ANKDD1B: variants seen among roughly 807,000 people sequenced by gnomAD.
ANKDD1B encodes the protein ankyrin repeat and death domain containing 1B, also known as ankyrin repeat and death domain-containing protein 1B.
ANKDD1B carries 57 observed loss-of-function variants against 59.7 expected under a neutral mutation model. The ratio of observed to expected loss-of-function variants is 0.95; its 90% confidence interval spans 0.77 to 1.19. ANKDD1B has a LOEUF of 1.19. Among genes scored for constraint, ANKDD1B ranks in the 50% most tolerant of loss-of-function variants. The pLI is 0.00. For synonymous variants in ANKDD1B, 216 were observed against 239.5 expected (o/e 0.90, Z 0.91); for missense variants, 602 against 641.9 (o/e 0.94, Z 0.67).
intron 6 of ANKDD1B, 174 bp from the exon 7 acceptor site, chr5:75,635,610 T>G (rs1774278263): frequency 2.5e-6 from 1 of 407,600 alleles, no homozygotes; most frequent in Non-Finnish European, 4.3e-6. Flanking sequence ...CCTTTTTATT[T>G]AAAACTTAAA....
rs143010184 is a variant in ANKDD1B at position 75,637,090 on chromosome 5, A to G, written c.798+1208A>G. Among the ~76,000 whole-genome samples, 51 of 151,770 alleles carry G rather than the reference A, an allele frequency of 3.4e-4. No individual in the cohort carries two copies. The East Asian group carries it at 9.7e-3, about 29-fold the overall frequency. On this transcript the variant is annotated intron_variant, in intron 7 of 13. Coordinates refer to ENST00000601380, the MANE Select transcript of ANKDD1B (RefSeq NM_001276713.2). Reference sequence around the variant, plus strand: ...GTGAAACTCCGTCTCTACTAAAAATACAAAATTAGCCGGGTGTACTGACGG... The same window carrying G: ...GTGAAACTCCGTCTCTACTAAAAATGCAAAATTAGCCGGGTGTACTGACGG...
intron 5 of ANKDD1B, among the ~76,000 whole-genome samples, chr5:75,626,239 C>T (rs1285270548): frequency 1.3e-5 from 2 of 152,114 alleles, no homozygotes; most frequent in African/African-American, 2.4e-5. Flanking sequence ...TATCCTATCC[C>T]CTCTAGTAAT....
At chr5:75,637,690 AG>A in intron 7 of ANKDD1B, among the ~76,000 whole-genome samples, 1 of 152,236 alleles carries the variant, frequency 6.6e-6, no homozygotes, top group East Asian at 1.9e-4. Context: ...GCATATATAA[AG>A]GAAAAAATAA....
At chr5:75,659,528 C>A (rs1329178772) in intron 10 of ANKDD1B, 147 bp downstream of exon 10, 1 of 630,762 alleles carries the variant, frequency 1.6e-6, no homozygotes, top group Non-Finnish European at 2.8e-6. Context: ...CAGTAAAATA[C>A]CCCAATTTTG....
intron 8 of ANKDD1B, among the ~76,000 whole-genome samples, chr5:75,655,525 G>A (rs1774949166): frequency 6.6e-6 from 1 of 152,146 alleles, no homozygotes; most frequent in Non-Finnish European, 1.5e-5. Flanking sequence ...AAGTCCTGTG[G>A]TTCAGCCTAT....
chr5:75,655,832 C>T (rs562268186), intron 8 of ANKDD1B, among the ~76,000 whole-genome samples, 197 bp from the exon 9 acceptor site: 16 of 152,172 alleles, frequency 1.1e-4, no homozygotes, highest in East Asian at 3.9e-4. Context: ...GGGGGTGGGC[C>T]GATTGCTGGG....
intron 7 of ANKDD1B, 41 bp from the exon 8 acceptor site, chr5:75,653,101 T>C: frequency 7.5e-7 from 1 of 1,326,886 alleles, no homozygotes; most frequent in Non-Finnish European, 1.0e-6. Context: ...TGCTGAATTA[T>C]AATGAGAGTT....
At chr5:75,633,072 A>G (rs78114299) in intron 5 of ANKDD1B, among the ~76,000 whole-genome samples, 1,627 of 152,318 alleles carry the variant, frequency 0.011, 39 homozygotes, top group African/African-American at 0.037. Context: ...TATCAAACAC[A>G]ATGATTTTTG....
intron 7 of ANKDD1B, among the ~76,000 whole-genome samples, chr5:75,637,114 G>A (rs921774047): frequency 6.6e-6 from 1 of 151,408 alleles, no homozygotes; most frequent in East Asian, 1.9e-4. Context: ...GTGTACTGAC[G>A]GGTGCCTGTG....
At chr5:75,659,685 CCT>C (rs1450968025) in intron 10 of ANKDD1B, among the ~76,000 whole-genome samples, 1 of 152,108 alleles carries the variant, frequency 6.6e-6, no homozygotes, top group African/African-American at 2.4e-5. Context: ...CCCACCCACC[CCT>C]GTTCCTACTT....
chr5:75,651,729 G>C (rs373821713), intron 7 of ANKDD1B, among the ~76,000 whole-genome samples: 138 of 152,276 alleles, frequency 9.1e-4, no homozygotes, highest in African/African-American at 3.2e-3. Flanking sequence ...GGGAAATGAG[G>C]CTTTAACTCA....
chr5:75,620,864 A>T (rs1025970751), intron 3 of ANKDD1B, among the ~76,000 whole-genome samples: 1 of 152,174 alleles, frequency 6.6e-6, no homozygotes, highest in South Asian at 2.1e-4. Flanking sequence ...CATCGTCTCC[A>T]TGATCAGCTC....
chr5:75,658,887 A>G (rs1775043904), intron 9 of ANKDD1B, among the ~76,000 whole-genome samples: 1 of 152,164 alleles, frequency 6.6e-6, no homozygotes, highest in South Asian at 2.1e-4. Context: ...CCATCTTCAG[A>G]ACATTTTTCA....
intron 1 of ANKDD1B, 48 bp downstream of exon 1, chr5:75,611,875 G>T (rs1367985144): frequency 2.1e-5 from 26 of 1,224,628 alleles, no homozygotes; most frequent in Non-Finnish European, 2.5e-5. Flanking sequence ...GGGGCGGGCT[G>T]GGTCGAAGGG....
chr5:75,650,011 A>T (rs1298556757), intron 7 of ANKDD1B, among the ~76,000 whole-genome samples: 2 of 152,184 alleles, frequency 1.3e-5, no homozygotes, highest in Non-Finnish European at 2.9e-5. Context: ...GGATAAAATA[A>T]TAGTTACGGT....
rs1774024013 is a variant in ANKDD1B at position 75,627,469 on chromosome 5, C to G, written c.600+1514C>G. Among the ~76,000 whole-genome samples, 4 of 152,174 alleles carry G rather than the reference C, an allele frequency of 2.6e-5. No individual in the cohort carries two copies. In the South Asian group the frequency reaches 8.3e-4, roughly 31 times the overall value. The stretch of plus-strand genomic sequence containing the variant: ...GCCACTGCTGAGATGCTTAAATGAG[C>G]TAATGACTATAAAGCACTTAGCAAC... On this transcript the variant is annotated intron_variant, in intron 5 of 13. Transcript: ENST00000601380.
At chr5:75,668,124 T>C (rs1775361299) in intron 12 of ANKDD1B, among the ~76,000 whole-genome samples, 1 of 152,150 alleles carries the variant, frequency 6.6e-6, no homozygotes, top group Non-Finnish European at 1.5e-5. Flanking sequence ...GACTTGAAAA[T>C]ATAGTGTATC....
chr5:75,649,884 C>T (rs1395544557), intron 7 of ANKDD1B, among the ~76,000 whole-genome samples: 1 of 152,168 alleles, frequency 6.6e-6, no homozygotes, highest in Non-Finnish European at 1.5e-5. Flanking sequence ...ATTGATTGTC[C>T]ACCACCACTG....
intron 8 of ANKDD1B, among the ~76,000 whole-genome samples, chr5:75,654,826 G>A (rs558311718): frequency 1.3e-5 from 2 of 152,192 alleles, no homozygotes; most frequent in South Asian, 2.1e-4. Flanking sequence ...ACTCACCCTC[G>A]TAGGCGCCTG....
Sources: allele counts gnomAD v4.1 joint callset (sites outside exome capture counted in the v4.1 genomes callset), GRCh38; gene constraint gnomAD v4.1.1; transcripts MANE v1.5; gene names NCBI Gene and HGNC (gene_info 2026-07-23, HGNC 2026-07-21).